RECQL: variants seen among roughly 807,000 people sequenced by gnomAD.
The protein encoded by RECQL is ATP-dependent DNA helicase Q1.
Under a neutral mutation model 75.8 loss-of-function variants are expected in RECQL, and 73 were observed. The observed-to-expected ratio is 0.96, with a 90% CI of 0.80 to 1.17. RECQL has a LOEUF of 1.17. Among genes scored for constraint, RECQL ranks in the 50% most tolerant of loss-of-function variants. The pLI is 0.00. For synonymous variants in RECQL, 248 were observed against 254.4 expected, an observed-to-expected ratio of 0.97 and a Z score of 0.24; for missense variants, 699 against 772.1, an observed-to-expected ratio of 0.91 and a Z score of 1.12.
At chr12:21,492,479 A>G (rs1206257969) in intron 2 of RECQL, among the ~76,000 whole-genome samples, 2 of 152,342 alleles carry the variant, frequency 1.3e-5, no homozygotes, top group African/African-American at 4.8e-5. Flanking sequence ...GTGCTTCTTC[A>G]TGAGATATAA....
rs150680552 is a variant in RECQL, at chr12:21,471,091, A to T, written c.1675T>A (p.Tyr559Asn). 25 of 1,579,596 alleles carry T rather than the reference A, an allele frequency of 1.6e-5. No homozygotes were observed. In the African/African-American group the frequency reaches 3.4e-4, roughly 22 times the overall value. Residue 559 changes from tyrosine to asparagine, a missense_variant, in exon 14 of 15, where the codon TAC becomes AAC. By Grantham distance (143) the Tyr-to-Asn change is moderately radical. Around this residue, in one of 2 missense-constraint regions of RECQL, gnomAD observed 669 missense variants for 713.5 expected, o/e 0.94. Transcript: ENST00000444129. ...ATGGTAGCATAAGCTGTAAAACTGTAGTCTTCTCTGCAGAAAATAAAGGCC... is the reference window on the plus strand; with the variant it reads ...ATGGTAGCATAAGCTGTAAAACTGTTGTCTTCTCTGCAGAAAATAAAGGCC... ...FLIQQYLKEDYSFTAYATISY... is the reference protein window; with the variant it reads ...FLIQQYLKEDNSFTAYATISY...
intron 7 of RECQL, 58 bp from the exon 8 acceptor site, chr12:21,477,050 C>A: frequency 4.3e-6 from 5 of 1,171,712 alleles, no homozygotes; most frequent in South Asian, 1.4e-5. Flanking sequence ...AAGTGGCTGT[C>A]TATGTACAAC....
intron 12 of RECQL, among the ~76,000 whole-genome samples, chr12:21,471,988 C>G (rs1388190272): frequency 6.6e-6 from 1 of 152,054 alleles, no homozygotes; most frequent in African/African-American, 2.4e-5. Flanking sequence ...CCTGTCTGTT[C>G]TAGTATAGGC....
chr12:21,471,533 C>T lies in RECQL; in HGVS notation c.1562G>A (p.Gly521Glu). The T allele has an allele frequency of 1.2e-6, 2 of 1,612,360 alleles. No homozygotes were observed. The highest frequency in any genetic ancestry group is 1.7e-6 in the Non-Finnish European group (2 of 1,179,168). The change falls in exon 13 of 15, where the codon GGA becomes GAA. Residue 521 changes from glycine (G) to glutamate (E), a missense_variant. Gly to Glu is a moderately conservative substitution (Grantham distance 98). Transcript: ENST00000444129. ...TACTCTCAGTTTTGCTGCACCCTTTCCCATCCAAGAATCAATCAGTTTCAA... is the reference window on the plus strand; with the variant it reads ...TACTCTCAGTTTTGCTGCACCCTTTTCCATCCAAGAATCAATCAGTTTCAA... ...TPLKLIDSWM[G>E]KGAAKLRVAG... is the part of the protein sequence containing the mutation.
At chr12:21,498,689 T>A (rs1391148016) in intron 2 of RECQL, among the ~76,000 whole-genome samples, 1 of 152,132 alleles carries the variant, frequency 6.6e-6, no homozygotes, top group Non-Finnish European at 1.5e-5. Context: ...CTAGTGCACC[T>A]CTCAGTATTC....
intron 6 of RECQL, among the ~76,000 whole-genome samples, chr12:21,479,239 C>A (rs959584755): frequency 6.6e-6 from 1 of 152,162 alleles, no homozygotes; most frequent in Admixed American, 6.5e-5. Context: ...CTGCCTGAAC[C>A]CTGACTGACA....
intron 2 of RECQL, among the ~76,000 whole-genome samples, chr12:21,495,097 G>A (rs1210769124): frequency 6.6e-6 from 1 of 152,092 alleles, no homozygotes; most frequent in Non-Finnish European, 1.5e-5. Context: ...CTCTGATTCT[G>A]GTAAACAGAA....
intron 4 of RECQL, among the ~76,000 whole-genome samples, chr12:21,489,582 G>A (rs1036677345): frequency 1.2e-4 from 18 of 152,152 alleles, no homozygotes; most frequent in Non-Finnish European, 1.8e-4. Flanking sequence ...GTCTCCCAGT[G>A]CCTAGCACCA....
intron 13 of RECQL, 23 bp from the exon 14 acceptor site, chr12:21,471,121 A>G (rs778240197): frequency 1.9e-6 from 3 of 1,548,572 alleles, no homozygotes; most frequent in Admixed American, 2.3e-5. Context: ...AAGGCCAACA[A>G]TAAGAAAGCT....
rs1319098600 is a variant in RECQL at position 21,501,455 on chromosome 12, C to CA, written c.-332_-331insT. 2.4e-5 allele frequency: 4 copies of CA among 164,862 alleles called. No homozygotes were observed. The highest frequency in any genetic ancestry group is 9.6e-5 in the African/African-American group (4 of 41,476). 10.2% of individuals were successfully genotyped at this position (164,862 alleles called of 1,614,324 possible). A position where few individuals can be genotyped will look rare whatever the true frequency, so the allele number is the denominator to read the frequency against. ...TGTAACAGTAGTTATCCCAGAGCCTCTCCCCACCGAGAAGCCCGGTCTAAC... is the reference window on the plus strand; with the variant it reads ...TGTAACAGTAGTTATCCCAGAGCCTCATCCCCACCGAGAAGCCCGGTCTAAC... On this transcript the variant is annotated 5_prime_UTR_variant, in exon 1 of 15. In the 5' UTR this introduces an upstream ATG that the reference lacks. Transcript: ENST00000444129.
intron 2 of RECQL, among the ~76,000 whole-genome samples, chr12:21,494,195 G>A (rs1182925174): frequency 6.6e-6 from 1 of 152,018 alleles, no homozygotes; most frequent in Non-Finnish European, 1.5e-5. Flanking sequence ...AACTAACAGA[G>A]CAAGAACTCA....
At chr12:21,494,903 G>A (rs992589237) in intron 2 of RECQL, among the ~76,000 whole-genome samples, 5 of 152,200 alleles carry the variant, frequency 3.3e-5, no homozygotes, top group African/African-American at 1.2e-4. Flanking sequence ...CCAAGGTATG[G>A]GGGCTAACCA....
chr12:21,477,280 C>A (rs1943105018), intron 7 of RECQL, among the ~76,000 whole-genome samples: 1 of 151,990 alleles, frequency 6.6e-6, no homozygotes, highest in Non-Finnish European at 1.5e-5. Flanking sequence ...TAAAAACAAA[C>A]CGTAACATAA....
intron 6 of RECQL, among the ~76,000 whole-genome samples, chr12:21,481,026 A>T (rs752308765): frequency 6.6e-6 from 1 of 152,154 alleles, no homozygotes; most frequent in Non-Finnish European, 1.5e-5. Context: ...AATTCTTTCT[A>T]AAAAATTCTC....
chr12:21,490,637 G>A (rs1171304236), intron 3 of RECQL, among the ~76,000 whole-genome samples: 1 of 152,108 alleles, frequency 6.6e-6, no homozygotes, highest in Non-Finnish European at 1.5e-5. Flanking sequence ...CTTGAGCTCA[G>A]GAGTTCGAGA....
chr12:21,488,409 T>G (rs1443598853), intron 4 of RECQL, among the ~76,000 whole-genome samples: 1 of 152,164 alleles, frequency 6.6e-6, no homozygotes, highest in Non-Finnish European at 1.5e-5. Flanking sequence ...TTTCTTCTTA[T>G]GCTGCTCTGA....
intron 7 of RECQL, 70 bp from the exon 8 acceptor site, chr12:21,477,062 T>G (rs1303629825): frequency 3.0e-6 from 3 of 983,678 alleles, no homozygotes; most frequent in Middle Eastern, 2.1e-4. Flanking sequence ...ATGTACAACT[T>G]TCAGGATGCA....
rs1469548036 is a variant in RECQL at position 21,501,552 on chromosome 12, C to T, written c.-428G>A. Reference sequence around the variant, plus strand: ...CTCCGATCTCCGACTCTCGGATCTCCGACACCAAAGCACCCAGGCCTCGAG... The same window carrying T: ...CTCCGATCTCCGACTCTCGGATCTCTGACACCAAAGCACCCAGGCCTCGAG... On this transcript the variant is annotated 5_prime_UTR_variant, in exon 1 of 15. Transcript: ENST00000444129. The T allele has an allele frequency of 3.9e-6, 1 of 256,012 alleles. No individual in the cohort carries two copies. Among genetic ancestry groups the T allele is most frequent in the East Asian group, 1.0e-4 (1 of 9,664 alleles). 15.9% of individuals were successfully genotyped at this position (256,012 alleles called of 1,614,324 possible). A position where few individuals can be genotyped will look rare whatever the true frequency, so the allele number is the denominator to read the frequency against.
intron 14 of RECQL, 83 bp downstream of exon 14, chr12:21,470,886 T>A (rs1207224165): frequency 1.0e-6 from 1 of 1,004,784 alleles, no homozygotes; most frequent in African/African-American, 1.7e-5. Flanking sequence ...CAACTGGACC[T>A]AGGGGAATAT....
Sources: allele counts gnomAD v4.1 joint callset (sites outside exome capture counted in the v4.1 genomes callset), GRCh38; gene constraint gnomAD v4.1.1; regional missense constraint gnomAD v4.1.1; transcripts MANE v1.5; gene names NCBI Gene and HGNC (gene_info 2026-07-23, HGNC 2026-07-21).